Variants in C2orf49 observed in about 807,000 individuals in gnomAD.
C2orf49 encodes tRNA-splicing ligase complex subunit ASW.
In C2orf49, 11 loss-of-function variants were observed where a neutral mutation model predicts 20.6. The observed-to-expected ratio is 0.53, with a 90% CI of 0.34 to 0.88. The LOEUF (loss-of-function observed/expected upper bound fraction) is 0.88. C2orf49 is among the 40% of genes least tolerant of loss of function. The pLI, the probability that C2orf49 is intolerant of heterozygous loss-of-function variation, is 0.02. For missense variants in C2orf49, 289 were observed against 274.2 expected (o/e 1.05, Z -0.38); for synonymous variants, 134 against 108.5 (o/e 1.24, Z -1.46).
rs954274041 is a variant in C2orf49 at position 105,343,150 on chromosome 2, C to T, written c.569C>T (p.Pro190Leu). 6.2e-7 allele frequency: 1 copy of T among 1,614,116 alleles called. No individual in the cohort carries two copies. Residue 190 changes from proline (P) to leucine (L), a missense_variant, in exon 3 of 4, where the codon CCA becomes CTA. Transcript: ENST00000258457. The stretch of plus-strand genomic sequence containing the variant: ...AGTCCTTCAGGCCCTGTGAAGTCGC[C>T]ACCATTGTCCCCTGTTGGAACTACT... Reference protein sequence around the residue: ...RKSPSGPVKSPPLSPVGTTPV... With the variant: ...RKSPSGPVKSLPLSPVGTTPV...
At chr2:105,365,729 C>G in the C2orf49 span, among the ~76,000 whole-genome samples, 1 of 151,272 alleles carries the variant, frequency 6.6e-6, no homozygotes, top group African/African-American at 2.4e-5. Context: ...CCTGTAATCC[C>G]AGCTGCTCAG....
downstream of C2orf49, among the ~76,000 whole-genome samples, chr2:105,352,429 G>GTTT (rs61585149): frequency 0.078 from 6,265 of 80,224 alleles, 332 homozygotes; most frequent in Middle Eastern, 0.12. Flanking sequence ...GTTTGTTTGG[G>GTTT]TTTTTTTTTT....
chr2:105,373,499 G>A, the C2orf49 span: 28 of 1,581,978 alleles, frequency 1.8e-5, no homozygotes, highest in African/African-American at 2.7e-5. Flanking sequence ...GGGGTCAGAG[G>A]AACGTGCACA....
chr2:105,353,995 T>A (rs1195935730), downstream of C2orf49, among the ~76,000 whole-genome samples: 2 of 152,258 alleles, frequency 1.3e-5, no homozygotes, highest in African/African-American at 4.8e-5. Flanking sequence ...GCCCTCTGCT[T>A]ACAAATTGGA....
the C2orf49 span, among the ~76,000 whole-genome samples, chr2:105,369,597 G>A: frequency 6.6e-6 from 1 of 152,174 alleles, no homozygotes; most frequent in Non-Finnish European, 1.5e-5. Context: ...CAATTGTGGG[G>A]TGATGAATCC....
At chr2:105,369,899 G>C in the C2orf49 span, among the ~76,000 whole-genome samples, 1 of 152,200 alleles carries the variant, frequency 6.6e-6, no homozygotes, top group Non-Finnish European at 1.5e-5. Flanking sequence ...GGAGCCTCAG[G>C]GACATGGCGC....
chr2:105,373,025 G>T, the C2orf49 span, among the ~76,000 whole-genome samples: 1 of 152,114 alleles, frequency 6.6e-6, no homozygotes, highest in Non-Finnish European at 1.5e-5. Flanking sequence ...CACCTTTATT[G>T]CCATCCTCGG....
the C2orf49 span, chr2:105,361,456 T>C: frequency 1.9e-6 from 3 of 1,602,530 alleles, no homozygotes; most frequent in African/African-American, 1.3e-5. Context: ...GAGAAAATAA[T>C]ACCGGATGAA....
the C2orf49 span, among the ~76,000 whole-genome samples, chr2:105,356,147 T>C: frequency 3.9e-5 from 6 of 151,972 alleles, no homozygotes; most frequent in Non-Finnish European, 7.4e-5. Context: ...CCCAGCACTT[T>C]TGGGAGGTCG....
chr2:105,341,774 G>C (rs747943530), intron 2 of C2orf49, among the ~76,000 whole-genome samples: 2 of 152,248 alleles, frequency 1.3e-5, no homozygotes, highest in Non-Finnish European at 2.9e-5. Context: ...ACTGACTGAC[G>C]TTGCTGTGCT....
At position 105,349,052 on chromosome 2, in the gene C2orf49, C is replaced by T. The variant is rs1679880379; in HGVS notation, c.*3681C>T. The T allele has an allele frequency of 6.6e-6, 1 of 151,964 alleles. No homozygotes were observed. The highest frequency in any genetic ancestry group is 2.4e-5 in the African/African-American group (1 of 41,344). The allele number at this position is 151,964 out of a possible 1,614,324, so 9.4% of individuals were successfully genotyped here. A position where few individuals can be genotyped will look rare whatever the true frequency, so the allele number is the denominator to read the frequency against. ...GATGGAAATAGAAGTCTCTGAACTT[C>T]CCATGTAATATTAAAGCTCTTAACA... On this transcript the variant is annotated 3_prime_UTR_variant, in exon 4 of 4. Coordinates refer to ENST00000258457, the MANE Select transcript of C2orf49 (RefSeq NM_024093.3).
chr2:105,344,574 T>G (rs1210876830), intron 3 of C2orf49, among the ~76,000 whole-genome samples: 1 of 151,972 alleles, frequency 6.6e-6, no homozygotes, highest in African/African-American at 2.4e-5. Flanking sequence ...TGACTTTGTG[T>G]TTTTGTTGTG....
the C2orf49 span, chr2:105,373,970 A>G: frequency 1.8e-6 from 1 of 557,812 alleles, no homozygotes; most frequent in Non-Finnish European, 3.2e-6. Flanking sequence ...ATGTATGCAC[A>G]TGTCTGTGTG....
the C2orf49 span, chr2:105,367,757 A>G: frequency 6.2e-7 from 1 of 1,610,886 alleles, no homozygotes; most frequent in Non-Finnish European, 8.5e-7. Flanking sequence ...CAGGGTCAAG[A>G]GGAACACAGC....
chr2:105,351,628 C>T (rs2576771), downstream of C2orf49, among the ~76,000 whole-genome samples: 21,206 of 152,174 alleles, frequency 0.14, 1,840 homozygotes, highest in South Asian at 0.23. Context: ...TCCCGTTTCC[C>T]TGTGACTTAT....
chr2:105,339,649 C>T lies in C2orf49; in HGVS notation c.166C>T (p.His56Tyr). The T allele has an allele frequency of 1.1e-5, 18 of 1,607,910 alleles. No homozygotes were observed. The highest frequency in any genetic ancestry group is 1.5e-5 in the Non-Finnish European group (18 of 1,178,646). The part of the protein sequence containing the change: ...KDSLTDLYVQ[H>Y]AIPLPQRDLP... Reference sequence around the variant, plus strand: ...CAGTCTTACTGACCTTTATGTCCAACATGCAATACCATTGCCTCAGAGGGA... The same window carrying T: ...CAGTCTTACTGACCTTTATGTCCAATATGCAATACCATTGCCTCAGAGGGA... The change falls in exon 2 of 4, where the codon CAT (histidine) becomes TAT (tyrosine). Residue 56 changes from histidine to tyrosine, a missense_variant. Coordinates refer to ENST00000258457, the MANE Select transcript of C2orf49 (RefSeq NM_024093.3).
chr2:105,379,254 G>C, the C2orf49 span, among the ~76,000 whole-genome samples: 3 of 152,150 alleles, frequency 2.0e-5, no homozygotes, highest in Admixed American at 2.0e-4. Flanking sequence ...ACAGTTGCTG[G>C]TATGTATTAC....
Position 105,348,538 on chromosome 2 carries a change from A to ATATATATATAT in C2orf49, c.*3168_*3178dup, listed in dbSNP as rs1679868782. The ATATATATATAT allele has an allele frequency of 6.8e-6, 1 of 147,278 alleles. No homozygotes were observed. The highest frequency in any genetic ancestry group is 1.5e-5 in the Non-Finnish European group (1 of 66,870). 9.1% of individuals were successfully genotyped at this position (147,278 alleles called of 1,614,324 possible). A position where few individuals can be genotyped will look rare whatever the true frequency, so the allele number is the denominator to read the frequency against. The stretch of plus-strand genomic sequence containing the variant: ...CCAGTAGATTAAATCATATATATAT[A>ATATATATATAT]TATATATATATATATATATGTAAGA... On this transcript the variant is annotated 3_prime_UTR_variant, in exon 4 of 4. Transcript: ENST00000258457.
At chr2:105,367,494 A>ACC in the C2orf49 span, 1 of 1,457,758 alleles carries the variant, frequency 6.9e-7, no homozygotes, top group Admixed American at 2.1e-5. Flanking sequence ...TTGGTTTTGG[A>ACC]AAGAGAACTG....
Sources: gnomAD v4.1 joint callset for allele counts (sites outside exome capture counted in the v4.1 genomes callset) on GRCh38, gnomAD v4.1.1 for gene constraint, MANE v1.5 for transcripts, NCBI Gene and HGNC (gene_info 2026-07-23, HGNC 2026-07-21) for gene names.